Variants in AGBL4 observed in about 807,000 individuals in gnomAD.
AGBL4 encodes cytosolic carboxypeptidase 6.
Under a neutral mutation model 66.4 loss-of-function variants are expected in AGBL4, and 58 were observed. That is an observed-to-expected ratio of 0.87 (90% CI 0.71 to 1.09). The LOEUF (loss-of-function observed/expected upper bound fraction) is 1.09, where lower values mean the gene tolerates loss of function less well. Ranked by LOEUF, AGBL4 falls within the 50% of genes least tolerant of loss-of-function variation. The probability of loss-of-function intolerance (pLI) is 0.00; values close to 1 mark genes in which losing one functional copy is unlikely to be tolerated. For missense variants in AGBL4, 579 were observed against 631.0 expected, an observed-to-expected ratio of 0.92 and a Z score of 0.88; for synonymous variants, 234 against 222.9, an observed-to-expected ratio of 1.05 and a Z score of -0.44.
intron 5 of AGBL4, among the ~76,000 whole-genome samples, chr1:48,969,093 T>TCTCCCTCCCTCC (rs1013838174): frequency 2.1e-5 from 2 of 96,912 alleles, no homozygotes; most frequent in African/African-American, 3.9e-5. Context: ...TCCCTCCCTC[T>TCTCCCTCCCTCC]CTCCCTCCCT....
chr1:49,377,312 AT>A (rs1644491757), intron 3 of AGBL4, among the ~76,000 whole-genome samples: 1 of 152,094 alleles, frequency 6.6e-6, no homozygotes, highest in Non-Finnish European at 1.5e-5. Context: ...TGGCATTGAA[AT>A]AATTCTTATC....
intron 1 of AGBL4, among the ~76,000 whole-genome samples, chr1:49,874,755 G>T (rs969683668): frequency 6.6e-6 from 1 of 151,718 alleles, no homozygotes; most frequent in African/African-American, 2.4e-5. Context: ...ATAAGAAAAT[G>T]GTTCATGTAC....
chr1:48,534,309 T>C lies in AGBL4; in HGVS notation c.1392-16A>G. 6.5e-7 allele frequency: 1 copy of C among 1,546,628 alleles called. No homozygotes were observed. The highest frequency in any genetic ancestry group is 1.2e-5 in the South Asian group (1 of 83,500). ...TTTTTCTTTCCTGCAAAGGGGGAGATAACAGAAAGAGAGAAGACAGCCCAT... is the reference window on the plus strand; with the variant it reads ...TTTTTCTTTCCTGCAAAGGGGGAGACAACAGAAAGAGAGAAGACAGCCCAT... On this transcript the variant is annotated splice_polypyrimidine_tract_variant and intron_variant, in intron 13 of 13. Transcript: ENST00000371839.
At chr1:49,874,580 G>C (rs1378395217) in intron 1 of AGBL4, among the ~76,000 whole-genome samples, 2 of 151,944 alleles carry the variant, frequency 1.3e-5, no homozygotes, top group Non-Finnish European at 2.9e-5. Context: ...GAAAAAAGTA[G>C]AATTACCTAT....
chr1:49,165,159 C>T (rs1168609542), intron 4 of AGBL4, among the ~76,000 whole-genome samples: 1 of 151,810 alleles, frequency 6.6e-6, no homozygotes, highest in Non-Finnish European at 1.5e-5. Flanking sequence ...ATATATGATA[C>T]TTAAAGGATA....
At chr1:48,778,851 T>C (rs1485459075) in intron 6 of AGBL4, among the ~76,000 whole-genome samples, 1 of 152,212 alleles carries the variant, frequency 6.6e-6, no homozygotes, top group East Asian at 1.9e-4. Flanking sequence ...ATAGCTCTCA[T>C]ATCCAAATGT....
Position 49,000,640 on chromosome 1 carries a change from T to C in AGBL4, c.594+44944A>G, listed in dbSNP as rs777067743. On this transcript the variant is annotated intron_variant, in intron 5 of 13. Transcript: ENST00000371839. ...CTTGATACATGTTGGAAAACTATCA[T>C]AGTGAAGACCATTTCAACTATTTAA... Among the ~76,000 whole-genome samples, 12 of 152,300 alleles carry C rather than the reference T, an allele frequency of 7.9e-5. No homozygotes were observed. The East Asian group carries it at 2.3e-3, about 29-fold the overall frequency.
intron 2 of AGBL4, among the ~76,000 whole-genome samples, chr1:49,787,510 A>AG (rs1571566440): frequency 6.6e-6 from 1 of 152,108 alleles, no homozygotes. Flanking sequence ...CTCAAAAAAA[A>AG]AAAAAAAAAA....
intron 5 of AGBL4, among the ~76,000 whole-genome samples, chr1:48,892,664 AGCCTTTCC>A (rs1195986094): frequency 3.8e-4 from 58 of 152,352 alleles, no homozygotes; most frequent in African/African-American, 1.4e-3. Flanking sequence ...GTTTCTGATT[AGCCTTTCC>A]AAAGCAGGCA....
At chr1:50,010,874 A>G (rs1305081982) in intron 1 of AGBL4, among the ~76,000 whole-genome samples, 4 of 152,242 alleles carry the variant, frequency 2.6e-5, no homozygotes, top group African/African-American at 9.6e-5. Flanking sequence ...ACTACAAGAA[A>G]ACATTGGGGA....
chr1:48,708,905 G>A (rs1646920365), intron 6 of AGBL4, among the ~76,000 whole-genome samples: 1 of 152,228 alleles, frequency 6.6e-6, no homozygotes, highest in Admixed American at 6.5e-5. Flanking sequence ...GTCCTGGGGA[G>A]GCTGCAAAGT....
intron 3 of AGBL4, among the ~76,000 whole-genome samples, chr1:49,285,557 C>G (rs1481416295): frequency 1.3e-5 from 2 of 152,030 alleles, no homozygotes; most frequent in Non-Finnish European, 2.9e-5. Context: ...ACAAAAAACC[C>G]TTCAAAAAAT....
intron 10 of AGBL4, among the ~76,000 whole-genome samples, chr1:48,588,208 A>G (rs954153926): frequency 1.3e-5 from 2 of 152,198 alleles, no homozygotes; most frequent in African/African-American, 2.4e-5. Context: ...CAAAGAATCT[A>G]CTTCCTTTAG....
intron 5 of AGBL4, among the ~76,000 whole-genome samples, chr1:48,915,120 A>G (rs1653478248): frequency 6.6e-6 from 1 of 152,242 alleles, no homozygotes; most frequent in Non-Finnish European, 1.5e-5. Context: ...GAAACATTTT[A>G]GCATGACATT....
At chr1:48,842,284 G>T (rs945037403) in intron 6 of AGBL4, among the ~76,000 whole-genome samples, 1 of 151,908 alleles carries the variant, frequency 6.6e-6, no homozygotes, top group Non-Finnish European at 1.5e-5. Context: ...TCTAGGAGAG[G>T]TGGATGAGTG....
At chr1:48,687,985 T>G (rs4397690) in intron 6 of AGBL4, among the ~76,000 whole-genome samples, 8,698 of 152,312 alleles carry the variant, frequency 0.057, 498 homozygotes, top group African/African-American at 0.15. Context: ...CTGATGTGTA[T>G]ATATTTATTT....
intron 11 of AGBL4, among the ~76,000 whole-genome samples, chr1:48,557,480 G>A (rs1283332975): frequency 6.6e-6 from 1 of 152,122 alleles, no homozygotes; most frequent in Non-Finnish European, 1.5e-5. Context: ...GCTCATCAGA[G>A]CCAGGACCCT....
intron 3 of AGBL4, among the ~76,000 whole-genome samples, chr1:49,330,600 A>C (rs926072768): frequency 6.6e-5 from 10 of 152,224 alleles, no homozygotes; most frequent in African/African-American, 2.4e-4. Flanking sequence ...CCTAATGTTC[A>C]TAAGGCAGGT....
At chr1:49,232,116 T>TG (rs941075539) in intron 4 of AGBL4, among the ~76,000 whole-genome samples, 11 of 152,072 alleles carry the variant, frequency 7.2e-5, no homozygotes, top group African/African-American at 2.2e-4. Context: ...AGGTTTCCAC[T>TG]GGGGGGAGTG....
Sources: gnomAD v4.1 joint callset for allele counts (sites outside exome capture counted in the v4.1 genomes callset) on GRCh38, gnomAD v4.1.1 for gene constraint, MANE v1.5 for transcripts, NCBI Gene and HGNC (gene_info 2026-07-23, HGNC 2026-07-21) for gene names.